Variants in EAPP observed in about 807,000 individuals in gnomAD.
EAPP encodes E2F-associated phosphoprotein.
A neutral mutation model predicts 34.3 loss-of-function variants in EAPP; 38 were observed. The observed-to-expected ratio is 1.11, with a 90% CI of 0.85 to 1.45. The LOEUF is 1.45. EAPP is among the 40% of genes most tolerant of loss of function. The pLI is 0.00. For missense variants in EAPP, 338 were observed against 343.7 expected (o/e 0.98, Z 0.13); for synonymous variants, 113 against 117.6 (o/e 0.96, Z 0.25).
chr14:34,539,422 C>T, intron 1 of EAPP, 133 bp downstream of exon 1: 1 of 1,001,288 alleles, frequency 1.0e-6, no homozygotes, highest in Non-Finnish European at 1.5e-6. Context: ...CCTTTGGCTT[C>T]GCACAAGTAA....
At chr14:34,536,021 A>G in intron 2 of EAPP, 73 bp downstream of exon 2, 11 of 1,085,314 alleles carry the variant, frequency 1.0e-5, no homozygotes, top group South Asian at 7.3e-5. Flanking sequence ...CTGGGAACAT[A>G]GAAGAGCACA....
chr14:34,533,549 C>A lies in EAPP; in HGVS notation c.257-10G>T, dbSNP rs2138222313. 6.4e-7 allele frequency: 1 copy of A among 1,553,226 alleles called. No homozygotes were observed. The highest frequency in any genetic ancestry group is 8.7e-7 in the Non-Finnish European group (1 of 1,151,826). ...TTTCCTGAGGAAGATCCTATTCAAA[C>A]CAGAAGTAAAGTTTACAGACTAAAT... On this transcript the variant is annotated splice_polypyrimidine_tract_variant and intron_variant, in intron 2 of 5. Transcript: ENST00000250454.
At chr14:34,527,225 C>A (rs1371771119) in intron 4 of EAPP, among the ~76,000 whole-genome samples, 1 of 149,660 alleles carries the variant, frequency 6.7e-6, no homozygotes, top group Non-Finnish European at 1.5e-5. Context: ...AATGCCAGCA[C>A]AGGAGGTGAA....
chr14:34,521,519 TCAAA>T (rs754867019), intron 5 of EAPP, among the ~76,000 whole-genome samples: 1 of 152,286 alleles, frequency 6.6e-6, no homozygotes, highest in African/African-American at 2.4e-5. Context: ...TTGTGCATTT[TCAAA>T]CAGTCTATCT....
intron 5 of EAPP, among the ~76,000 whole-genome samples, chr14:34,520,088 T>C (rs1282286140): frequency 6.6e-6 from 1 of 152,190 alleles, no homozygotes; most frequent in Non-Finnish European, 1.5e-5. Context: ...GGTTTCACCA[T>C]GTTGGCCAGG....
chr14:34,526,877 TA>T (rs55927803), intron 4 of EAPP, among the ~76,000 whole-genome samples: 2 of 148,874 alleles, frequency 1.3e-5, no homozygotes, highest in Admixed American at 6.7e-5. Context: ...GTCTTTAAAT[TA>T]AAAAAAAAAT....
At chr14:34,529,501 G>T (rs1880210297) in intron 3 of EAPP, 26 bp from the exon 4 acceptor site, 2 of 1,425,466 alleles carry the variant, frequency 1.4e-6, no homozygotes, top group South Asian at 1.2e-5. Flanking sequence ...TTAGGATATG[G>T]CTAAGAATCA....
chr14:34,527,168 C>CAAAAAAA (rs35039984), intron 4 of EAPP, among the ~76,000 whole-genome samples: 1 of 106,830 alleles, frequency 9.4e-6, no homozygotes, highest in Non-Finnish European at 1.8e-5. Flanking sequence ...AACTCCGTCT[C>CAAAAAAA]AAAAAAAAAA....
At chr14:34,534,567 C>T (rs749867728) in intron 2 of EAPP, among the ~76,000 whole-genome samples, 1 of 152,096 alleles carries the variant, frequency 6.6e-6, no homozygotes, top group Admixed American at 6.6e-5. Context: ...AAATCTGCCA[C>T]ATTTTAGTGC....
intron 5 of EAPP, among the ~76,000 whole-genome samples, chr14:34,521,317 C>A (rs1367517285): frequency 6.6e-6 from 1 of 152,026 alleles, no homozygotes; most frequent in African/African-American, 2.4e-5. Context: ...GTGATCCACC[C>A]ACCTCCGCCT....
chr14:34,516,361 G>A lies in EAPP; in HGVS notation c.807C>T (p.Tyr269=), dbSNP rs534611258. Residue 269 remains tyrosine, a synonymous_variant, in exon 6 of 6, where the codon TAC becomes TAT. Transcript: ENST00000250454. The part of the protein sequence containing the change: ...CTECSTEVAV[Y]DKDEVFHFFN... ...AAAAATGAAAGACTTCATCCTTGTC[G>A]TAGACTGCCACTTCAGTGGAACATT... 1.1e-5 allele frequency: 17 copies of A among 1,613,894 alleles called. No individual in the cohort carries two copies. The highest frequency in any genetic ancestry group is 6.7e-5 in the African/African-American group (5 of 75,056).
At chr14:34,535,146 T>C (rs1386102203) in intron 2 of EAPP, among the ~76,000 whole-genome samples, 1 of 150,944 alleles carries the variant, frequency 6.6e-6, no homozygotes, top group South Asian at 2.1e-4. Context: ...TTTTTTTTTT[T>C]TGAGACGGAG....
chr14:34,516,473 T>C lies in EAPP; in HGVS notation c.695A>G (p.His232Arg), dbSNP rs750958144. Residue 232 changes from histidine to arginine, a missense_variant, in exon 6 of 6, where the codon CAT becomes CGT. By Grantham distance (29) the His-to-Arg change is conservative. Transcript: ENST00000250454. Reference protein sequence around the residue: ...ASENRKKRRVHKKMRSNREDA... With the variant: ...ASENRKKRRVRKKMRSNREDA... Reference sequence around the variant, plus strand: ...TTCCCGGTTAGACCTCATCTTCTTATGGACCCGCCTTTTCTTCCTGTTCTC... The same window carrying C: ...TTCCCGGTTAGACCTCATCTTCTTACGGACCCGCCTTTTCTTCCTGTTCTC... 21 of 1,614,102 alleles carry C rather than the reference T, an allele frequency of 1.3e-5. No individual in the cohort carries two copies. Among genetic ancestry groups the C allele is most frequent in the Admixed American group, 1.0e-4 (6 of 59,986 alleles).
intron 5 of EAPP, among the ~76,000 whole-genome samples, chr14:34,520,475 G>A (rs1438401503): frequency 1.3e-5 from 2 of 151,840 alleles, no homozygotes; most frequent in Non-Finnish European, 2.9e-5. Flanking sequence ...CTCCCAAAGT[G>A]CTAGGATTAC....
intron 4 of EAPP, 59 bp from the exon 5 acceptor site, chr14:34,524,866 G>C: frequency 7.4e-7 from 1 of 1,360,306 alleles, no homozygotes; most frequent in Non-Finnish European, 1.0e-6. Context: ...TTGGTTTCTA[G>C]TGTCATTTTC....
At chr14:34,539,424 C>G (rs1268026768) in intron 1 of EAPP, 131 bp downstream of exon 1, 8 of 1,033,606 alleles carry the variant, frequency 7.7e-6, no homozygotes, top group Non-Finnish European at 1.0e-5. Flanking sequence ...TTTGGCTTCG[C>G]ACAAGTAACA....
Position 34,536,077 on chromosome 14 carries a change from T to C in EAPP, c.256+17A>G. 1 of 1,596,080 alleles carries C rather than the reference T, an allele frequency of 6.3e-7. No homozygotes were observed. Among genetic ancestry groups the C allele is most frequent in the Non-Finnish European group, 8.5e-7 (1 of 1,172,866 alleles). On this transcript the variant is annotated intron_variant, in intron 2 of 5. Transcript: ENST00000250454. ...AGAGCTTACAAAAATATATATAAAA[T>C]TGAACCAAAAGTTTACCAGTTCCCA...
rs1208007179 is a variant in EAPP at position 34,516,944 on chromosome 14, T to TA, written c.582-359_582-358insT. The stretch of plus-strand genomic sequence containing the variant: ...CCTTCTGCTTTTTGAAAGTAACTTT[T>TA]TTTTTTTTTTTGAGATGGAGTCTCG... On this transcript the variant is annotated intron_variant, in intron 5 of 5. Coordinates refer to ENST00000250454, the MANE Select transcript of EAPP (RefSeq NM_018453.4). Among the ~76,000 whole-genome samples, 10 of 150,864 alleles carry TA rather than the reference T, an allele frequency of 6.6e-5. No individual in the cohort carries two copies. In the East Asian group the frequency reaches 2.0e-3, roughly 29 times the overall value.
intron 5 of EAPP, among the ~76,000 whole-genome samples, chr14:34,523,239 CTTT>C (rs71453625): frequency 2.9e-5 from 4 of 137,372 alleles, no homozygotes; most frequent in Non-Finnish European, 1.6e-5. Context: ...GAAAAGATAC[CTTT>C]TTTTTTTTTT....
Sources: gnomAD v4.1 joint callset for allele counts (sites outside exome capture counted in the v4.1 genomes callset) on GRCh38, gnomAD v4.1.1 for gene constraint, MANE v1.5 for transcripts, NCBI Gene and HGNC (gene_info 2026-07-23, HGNC 2026-07-21) for gene names.